Variants in CELF2 observed in about 807,000 individuals in gnomAD.
The protein encoded by CELF2 is CUG triplet repeat RNA-binding protein 2.
In CELF2, 8 loss-of-function variants were observed where a neutral mutation model predicts 62.6. That is an observed-to-expected ratio of 0.13 (90% CI 0.07 to 0.23). The LOEUF (loss-of-function observed/expected upper bound fraction) is 0.23, where lower values mean the gene tolerates loss of function less well. Among genes scored for constraint, CELF2 ranks in the 10% least tolerant of loss-of-function variants. The pLI, the probability that CELF2 is intolerant of heterozygous loss-of-function variation, is 1.00. For synonymous variants in CELF2, 258 were observed against 250.0 expected (o/e 1.03, Z -0.30); for missense variants, 333 against 671.0 (o/e 0.50, Z 5.56).
chr10:10,695,945 G>A, the CELF2 span, among the ~76,000 whole-genome samples: 2 of 151,406 alleles, frequency 1.3e-5, no homozygotes, highest in Non-Finnish European at 2.9e-5. Context: ...CTTTGCCTTT[G>A]GTTTGAATGT....
chr10:10,528,251 T>C, the CELF2 span, among the ~76,000 whole-genome samples: 1 of 152,040 alleles, frequency 6.6e-6, no homozygotes, highest in African/African-American at 2.4e-5. Context: ...TAGATGATAA[T>C]AAGCTGGAAG....
chr10:10,584,690 G>A, the CELF2 span, among the ~76,000 whole-genome samples: 1 of 152,152 alleles, frequency 6.6e-6, no homozygotes, highest in South Asian at 2.1e-4. Context: ...TGTAAGGAGA[G>A]CATTGGAACC....
intron 1 of CELF2, among the ~76,000 whole-genome samples, chr10:10,847,285 T>C (rs1012530397): frequency 5.3e-5 from 8 of 152,164 alleles, no homozygotes; most frequent in Admixed American, 1.3e-4. Context: ...GAAACCTGTA[T>C]TCTAGTCCTG....
the CELF2 span, among the ~76,000 whole-genome samples, chr10:10,691,162 C>G: frequency 6.6e-6 from 1 of 151,400 alleles, no homozygotes; most frequent in Non-Finnish European, 1.5e-5. Flanking sequence ...CCCTCTCCCC[C>G]CACCCCACAA....
chr10:10,864,225 C>T (rs1407090678), intron 1 of CELF2, among the ~76,000 whole-genome samples: 1 of 151,294 alleles, frequency 6.6e-6, no homozygotes, highest in African/African-American at 2.4e-5. Flanking sequence ...AAGCAAATCA[C>T]TTTAACATCA....
chr10:10,921,569 T>C (rs2064917813), intron 2 of CELF2, among the ~76,000 whole-genome samples: 1 of 151,408 alleles, frequency 6.6e-6, no homozygotes, highest in South Asian at 2.1e-4. Flanking sequence ...TGCCTGGCCA[T>C]GTCAGATGTT....
chr10:10,726,817 A>G, the CELF2 span, among the ~76,000 whole-genome samples: 2 of 152,192 alleles, frequency 1.3e-5, no homozygotes, highest in African/African-American at 4.8e-5. Context: ...TTGTTCTCAC[A>G]TTGCTATCAA....
chr10:11,099,143 A>G (rs2050733999), intron 1 of CELF2, among the ~76,000 whole-genome samples: 1 of 152,202 alleles, frequency 6.6e-6, no homozygotes, highest in Non-Finnish European at 1.5e-5. Flanking sequence ...TTGAAAAACC[A>G]AGGGATACAT....
At position 11,011,332 on chromosome 10, in the gene CELF2, G is replaced by A. The variant is rs1000095708; in HGVS notation, c.53+5892G>A. On this transcript the variant is annotated intron_variant, in intron 1 of 12. Transcript: ENST00000416382. This position sits in a 1 kb window ranked among gnomAD's most constrained non-coding sequence, Gnocchi z 4.6. The stretch of plus-strand genomic sequence containing the variant: ...ACTCATGGAACAAAGAGTAGACAGT[G>A]AATGAGGAGGGGTCAAGTGGCGAGA... 1.3e-5 allele frequency among the ~76,000 whole-genome samples: 2 copies of A among 151,918 alleles called. No individual in the cohort carries two copies. The highest frequency in any genetic ancestry group is 2.9e-5 in the Non-Finnish European group (2 of 67,996).
At chr10:10,601,474 T>C in the CELF2 span, among the ~76,000 whole-genome samples, 22 of 152,202 alleles carry the variant, frequency 1.4e-4, no homozygotes, top group Admixed American at 1.2e-3. Context: ...CATGGTTAAG[T>C]GGAAAAGAGA....
At chr10:10,932,222 T>C (rs1036967584) in intron 2 of CELF2, among the ~76,000 whole-genome samples, 7 of 151,966 alleles carry the variant, frequency 4.6e-5, no homozygotes, top group African/African-American at 1.7e-4. Flanking sequence ...ATCCAACTCA[T>C]AGAAGCAGAG....
At chr10:11,091,059 T>TA (rs2048183226) in intron 1 of CELF2, among the ~76,000 whole-genome samples, 1 of 152,206 alleles carries the variant, frequency 6.6e-6, no homozygotes, top group Admixed American at 6.5e-5. Context: ...AATTATGAGT[T>TA]ACCTTCTGAA....
chr10:11,017,250 T>C (rs564936295), upstream of CELF2, among the ~76,000 whole-genome samples: 3 of 152,342 alleles, frequency 2.0e-5, no homozygotes, highest in South Asian at 6.2e-4. This position sits in a 1 kb window ranked among gnomAD's most constrained non-coding sequence, Gnocchi z 5.5. Context: ...TTCTAATTAT[T>C]GTGTTAAATA....
intron 1 of CELF2, among the ~76,000 whole-genome samples, chr10:10,919,607 C>A (rs1342481061): frequency 6.6e-6 from 1 of 152,198 alleles, no homozygotes; most frequent in Non-Finnish European, 1.5e-5. Flanking sequence ...ATCATTGGTG[C>A]TTCGTTTAAC....
chr10:10,740,888 A>G, the CELF2 span, among the ~76,000 whole-genome samples: 275 of 152,292 alleles, frequency 1.8e-3, no homozygotes, highest in Middle Eastern at 6.8e-3. Context: ...AGTCGATTAC[A>G]TAGAAACAAG....
At chr10:10,593,720 A>G in the CELF2 span, among the ~76,000 whole-genome samples, 2 of 152,220 alleles carry the variant, frequency 1.3e-5, no homozygotes, top group Non-Finnish European at 2.9e-5. Context: ...TAAATGGACC[A>G]TCTAGGCAAC....
At chr10:10,598,933 A>G in the CELF2 span, among the ~76,000 whole-genome samples, 43 of 150,854 alleles carry the variant, frequency 2.9e-4, no homozygotes, top group African/African-American at 1.0e-3. Context: ...TTGTATTTTT[A>G]GTAGAGATGG....
the CELF2 span, among the ~76,000 whole-genome samples, chr10:10,685,481 CAA>C: frequency 6.6e-6 from 1 of 152,102 alleles, no homozygotes; most frequent in Non-Finnish European, 1.5e-5. Flanking sequence ...CTTATAATGA[CAA>C]TGGCAATCAC....
rs184897495 is a variant in CELF2 at position 10,918,772 on chromosome 10, A to T, written c.54-1192A>T. Among the ~76,000 whole-genome samples the T allele has an allele frequency of 2.1e-3, 313 of 152,284 alleles. 4 individuals are homozygous for T. The highest frequency in any genetic ancestry group is 7.3e-3 in the African/African-American group (305 of 41,566). On this transcript the variant is annotated intron_variant, in intron 1 of 13. Transcript: ENST00000636488. ...GTTTGTATATATTGTTATTTTCTCT[A>T]TGTAAGGTGTTTGTGTCTTTAATGA... is the stretch of plus-strand genomic sequence containing the variant.
Sources: allele counts gnomAD v4.1 joint callset (sites outside exome capture counted in the v4.1 genomes callset), GRCh38; gene constraint gnomAD v4.1.1; non-coding constraint Gnocchi (gnomAD v3.1); transcripts MANE v1.5; gene names NCBI Gene and HGNC (gene_info 2026-07-23, HGNC 2026-07-21).